Variants in HEATR6 observed in about 807,000 individuals in gnomAD.
HEATR6 encodes the protein HEAT repeat-containing protein 6.
HEATR6 carries 106 observed loss-of-function variants against 132.8 expected under a neutral mutation model. The ratio of observed to expected loss-of-function variants is 0.80; its 90% CI spans 0.68 to 0.94. The LOEUF is 0.94. HEATR6 is among the 40% of genes least tolerant of loss of function. The pLI is 0.00. For missense variants in HEATR6, 1,339 were observed against 1,425.1 expected (o/e 0.94, Z 0.97); for synonymous variants, 529 against 537.8 (o/e 0.98, Z 0.23).
At position 60,050,831 on chromosome 17, in the gene HEATR6, C is replaced by A. The variant is rs768237526; in HGVS notation, c.2424+12G>T. 7.4e-6 allele frequency: 12 copies of A among 1,614,012 alleles called. No homozygotes were observed. Among genetic ancestry groups the A allele is most frequent in the Non-Finnish European group, 1.0e-5 (12 of 1,179,904 alleles). On this transcript the variant is annotated intron_variant, in intron 15 of 19. Coordinates refer to ENST00000184956, the MANE Select transcript of HEATR6 (RefSeq NM_022070.5). ...GCCATGATTTAAGGGTGAGAAAACA[C>A]CCTCACATTACCGGCAGATTGCTGA...
chr17:60,070,886 G>C, intron 5 of HEATR6, 79 bp from the exon 6 acceptor site: 1 of 777,620 alleles, frequency 1.3e-6, no homozygotes, highest in South Asian at 1.5e-5. Flanking sequence ...GCACCACTTA[G>C]GATGGAAGAG....
At position 60,057,245 on chromosome 17, in the gene HEATR6, T is replaced by G; in HGVS notation, c.1882A>C (p.Lys628Gln). 1 of 1,614,164 alleles carries G rather than the reference T, an allele frequency of 6.2e-7. No homozygotes were observed. ...AGAGAGGGTCCTGCAGGGGCTTTCT[T>G]CCACCAATCAGGAGGGCTGAGGTGA... ...TPHLSPPDWW[K>Q]KAPAGPSLEE... Residue 628 changes from lysine to glutamine, a missense_variant, in exon 12 of 20, where the codon AAG (lysine) becomes CAG (glutamine). Physicochemically the swap from Lys to Gln is moderately conservative, Grantham distance 53. Coordinates refer to ENST00000184956, the MANE Select transcript of HEATR6 (RefSeq NM_022070.5).
In HEATR6 at chr17:60,078,862, G is replaced by C; in HGVS notation, c.53C>G (p.Ala18Gly). The C allele has an allele frequency of 6.8e-7, 1 of 1,464,892 alleles. No homozygotes were observed. The highest frequency in any genetic ancestry group is 9.1e-7 in the Non-Finnish European group (1 of 1,093,930). The allele number at this position is 1,464,892 out of a possible 1,614,324, so 90.7% of individuals were successfully genotyped here. A position where few individuals can be genotyped will look rare whatever the true frequency, so the allele number is the denominator to read the frequency against. Residue 18 changes from alanine (A) to glycine (G), a missense_variant, in exon 1 of 20, where the codon GCA becomes GGA. By Grantham distance (60) the Ala-to-Gly change is moderately conservative (BLOSUM62 0). Coordinates refer to ENST00000184956, the MANE Select transcript of HEATR6 (RefSeq NM_022070.5). ...TCGCTCAGGGATTGCTTCCCGCGGT[G>C]CCTCCCGCGGCTGCACGGAAGGCCA... Reference protein sequence around the residue: ...GSWPSVQPREAPREAIPERGN... With the variant: ...GSWPSVQPREGPREAIPERGN...
intron 2 of HEATR6, chr17:60,075,489 G>A (rs2083291652): frequency 6.6e-6 from 1 of 152,162 alleles, no homozygotes; most frequent in Non-Finnish European, 1.5e-5. Context: ...TGTGGTAACA[G>A]TCTTAAATAA....
Position 60,050,995 on chromosome 17 carries a change from TAA to T in HEATR6, c.2290-20_2290-19del. On this transcript the variant is annotated intron_variant, in intron 14 of 19. Transcript: ENST00000184956. ...ATCACCACCTGGAACGGAGGCAAAG[TAA>T]AAGCTGCAGCCCAAGACATAACAGG... 1.2e-6 allele frequency: 2 copies of T among 1,613,768 alleles called. No individual in the cohort carries two copies. Among genetic ancestry groups the T allele is most frequent in the Non-Finnish European group, 1.7e-6 (2 of 1,179,826 alleles).
rs1906263599 is a variant in HEATR6 at position 60,043,711 on chromosome 17, C to T, written c.3398G>A (p.Arg1133Lys). 11 of 1,614,092 alleles carry T rather than the reference C, an allele frequency of 6.8e-6. No homozygotes were observed. In the Admixed American group the frequency reaches 1.8e-4, roughly 27 times the overall value. ...GCTGCCCATGTGTTTAAGGGCCATT[C>T]TGACCATCTGGTCTCTTTCCTGTGG... ...HSPQERDQMV[R>K]MALKHMGSIQ... Residue 1133 changes from arginine to lysine, a missense_variant, in exon 20 of 20, where the codon AGA (arginine) becomes AAA (lysine). Arg to Lys is a conservative substitution (Grantham distance 26). Coordinates refer to ENST00000184956, the MANE Select transcript of HEATR6 (RefSeq NM_022070.5).
Position 60,060,107 on chromosome 17 carries a change from G to C in HEATR6, c.1417-11C>G, listed in dbSNP as rs777232341. On this transcript the variant is annotated splice_polypyrimidine_tract_variant and intron_variant, in intron 9 of 19. Transcript: ENST00000184956. The stretch of plus-strand genomic sequence containing the variant: ...AGCACAGGCACGTGTCTGAAATTTC[G>C]GGATGATTCACATTGATTAGTTGAA... The C allele has an allele frequency of 8.7e-6, 14 of 1,604,976 alleles. No homozygotes were observed. Among genetic ancestry groups the C allele is most frequent in the Middle Eastern group, 1.7e-4 (1 of 6,030 alleles).
Position 60,057,362 on chromosome 17 carries a change from T to C in HEATR6, c.1765A>G (p.Ile589Val), listed in dbSNP as rs781380560. 2.5e-6 allele frequency: 4 copies of C among 1,612,868 alleles called. No individual in the cohort carries two copies. The South Asian group carries it at 3.3e-5, about 13-fold the overall frequency. ...RVSSLTLLGA[I>V]VSTHAPLPEV... is the part of the protein sequence containing the mutation. ...GGTAAAGGTGCGTGGGTGGACACTA[T>C]AGCTCCCAAGAGTGTGAGACTTGAC... Residue 589 changes from isoleucine to valine, a missense_variant, in exon 12 of 20, where the codon ATA (isoleucine) becomes GTA (valine). Transcript: ENST00000184956.
intron 14 of HEATR6, among the ~76,000 whole-genome samples, chr17:60,055,215 G>A (rs1374889831): frequency 6.6e-6 from 1 of 152,186 alleles, no homozygotes; most frequent in African/African-American, 2.4e-5. Flanking sequence ...TGTACAGCCT[G>A]CAGAACTGTG....
chr17:60,067,269 C>CA (rs11339664), intron 8 of HEATR6, among the ~76,000 whole-genome samples, 165 bp downstream of exon 8: 840 of 60,404 alleles, frequency 0.014, 16 homozygotes, highest in Admixed American at 0.058. Context: ...GACTCCGTCT[C>CA]AAAAAAAAAA....
rs61752325 is a variant in HEATR6 at position 60,073,226 on chromosome 17, C to A, written c.522G>T (p.Leu174Phe). ...TCCTGACTTCAGGATCAGACTGAGC[C>A]AAGTCACTCAACTTCATTAAGAGTC... The part of the protein sequence containing the change: ...NTGLLMKLSD[L>F]AQSDPEVRRA... Residue 174 changes from leucine to phenylalanine, a missense_variant, in exon 4 of 20, where the codon TTG becomes TTT. Transcript: ENST00000184956. The A allele has an allele frequency of 1.5e-3, 2,413 of 1,613,870 alleles. 62 individuals are homozygous for A. In the Admixed American group the frequency reaches 0.037, roughly 25 times the overall value.
chr17:60,058,144 G>A, intron 11 of HEATR6, among the ~76,000 whole-genome samples: 1 of 152,166 alleles, frequency 6.6e-6, no homozygotes, highest in East Asian at 1.9e-4. Flanking sequence ...ATTGATATCT[G>A]CAAAATAACT....
chr17:60,052,752 C>A (rs1034189425), intron 14 of HEATR6, among the ~76,000 whole-genome samples: 1 of 152,094 alleles, frequency 6.6e-6, no homozygotes, highest in African/African-American at 2.4e-5. Context: ...TTGGTGTGGT[C>A]ACATGCCCTT....
chr17:60,056,960 G>A, intron 12 of HEATR6, 88 bp downstream of exon 12: 3 of 862,008 alleles, frequency 3.5e-6, no homozygotes, highest in Non-Finnish European at 5.4e-6. Flanking sequence ...TTGACATATG[G>A]CTTGGTTTTA....
rs749359575 is a variant in HEATR6 at position 60,070,700 on chromosome 17, C to T, written c.801+6G>A. The stretch of plus-strand genomic sequence containing the variant: ...AAGACAATGATCATATGAAGACTTG[C>T]CTTACCTTTAGCACAGCTAAAAGTG... On this transcript the variant is annotated splice_donor_region_variant and intron_variant, in intron 6 of 19. Coordinates refer to ENST00000184956, the MANE Select transcript of HEATR6 (RefSeq NM_022070.5). The T allele has an allele frequency of 2.0e-5, 31 of 1,521,918 alleles. No individual in the cohort carries two copies. The Admixed American group carries it at 3.7e-4, about 18-fold the overall frequency. 94.3% of individuals were successfully genotyped at this position (1,521,918 alleles called of 1,614,324 possible).
At chr17:60,061,606 G>T (rs966700399) in intron 9 of HEATR6, among the ~76,000 whole-genome samples, 24 of 152,218 alleles carry the variant, frequency 1.6e-4, no homozygotes, top group Non-Finnish European at 2.4e-4. Context: ...GACATGTAAA[G>T]GAATAAACGT....
intron 14 of HEATR6, 45 bp downstream of exon 14, chr17:60,055,470 A>T: frequency 7.7e-7 from 1 of 1,302,850 alleles, no homozygotes; most frequent in South Asian, 1.3e-5. Context: ...TAAAACTGCA[A>T]CTGAAGCATT....
intron 9 of HEATR6, among the ~76,000 whole-genome samples, chr17:60,061,636 T>A (rs1016092276): frequency 6.6e-6 from 1 of 152,262 alleles, no homozygotes; most frequent in East Asian, 1.9e-4. Flanking sequence ...CCAAAAAGAC[T>A]TGATTTACGG....
Position 60,060,020 on chromosome 17 carries a change from G to T in HEATR6, c.1493C>A (p.Thr498Asn). ...GGTAAAAGCCCTTCTGTGGTCACTG[G>T]TATCTTCAGCAACAGAAAGAAACTG... ...SKQFLSVAED[T>N]SDHRRAFTPF... Residue 498 changes from threonine to asparagine, a missense_variant, in exon 10 of 20, where the codon ACC becomes AAC. Thr to Asn is a moderately conservative substitution (Grantham distance 65). Transcript: ENST00000184956. The T allele has an allele frequency of 1.2e-6, 2 of 1,613,862 alleles. No homozygotes were observed. The highest frequency in any genetic ancestry group is 1.7e-6 in the Non-Finnish European group (2 of 1,179,826).
Sources: gnomAD v4.1 joint callset for allele counts (sites outside exome capture counted in the v4.1 genomes callset) on GRCh38, gnomAD v4.1.1 for gene constraint, MANE v1.5 for transcripts, NCBI Gene and HGNC (gene_info 2026-07-23, HGNC 2026-07-21) for gene names.